Variants in USP18 observed in about 807,000 individuals in gnomAD.
The protein encoded by USP18 is ubiquitin specific peptidase 18.
Under a neutral mutation model 48.7 loss-of-function variants are expected in USP18, and 11 were observed. That is an observed-to-expected ratio of 0.23 (90% confidence interval 0.14 to 0.37). The LOEUF is 0.37. Ranked by LOEUF, USP18 falls within the 10% of genes least tolerant of loss-of-function variation. The probability of loss-of-function intolerance (pLI) is 1.00; values close to 1 mark genes in which losing one functional copy is unlikely to be tolerated. For missense variants in USP18, 285 were observed against 436.4 expected, an observed-to-expected ratio of 0.65 and a Z score of 3.09; for synonymous variants, 114 against 163.2, an observed-to-expected ratio of 0.70 and a Z score of 2.30.
chr22:18,156,349 G>A (rs563153369), intron 1 of USP18, among the ~76,000 whole-genome samples: 1 of 152,326 alleles, frequency 6.6e-6, no homozygotes, highest in African/African-American at 2.4e-5. Context: ...GCCCGAGCCA[G>A]CAGTGGCAAC....
At chr22:18,151,932 T>C (rs1354581034) in intron 1 of USP18, among the ~76,000 whole-genome samples, 1 of 152,110 alleles carries the variant, frequency 6.6e-6, no homozygotes, top group Non-Finnish European at 1.5e-5. Context: ...CAGGCGCCTG[T>C]AGTCCCAACT....
chr22:18,162,660 C>T (rs547560683), intron 4 of USP18, among the ~76,000 whole-genome samples: 46 of 150,018 alleles, frequency 3.1e-4, no homozygotes, highest in African/African-American at 1.1e-3. Context: ...TATAGGTATG[C>T]GTTGCTTACC....
intron 8 of USP18, among the ~76,000 whole-genome samples, chr22:18,171,392 G>C (rs1929620839): frequency 1.4e-5 from 2 of 142,772 alleles, no homozygotes; most frequent in Non-Finnish European, 3.0e-5. Context: ...CACCTCAAAA[G>C]GCTGAGGCAG....
chr22:18,152,420 A>C (rs961005660), intron 1 of USP18, among the ~76,000 whole-genome samples: 7 of 151,638 alleles, frequency 4.6e-5, no homozygotes, highest in Admixed American at 4.6e-4. Context: ...CCCGAAGCTT[A>C]AGGATAACAT....
At chr22:18,168,147 G>T in intron 6 of USP18, 111 bp downstream of exon 6, 1 of 1,503,438 alleles carries the variant, frequency 6.7e-7, no homozygotes, top group Non-Finnish European at 9.0e-7. Context: ...TCTGGAGGCT[G>T]GGAAGTCAAG....
intron 4 of USP18, among the ~76,000 whole-genome samples, chr22:18,166,003 C>T (rs1355225800): frequency 6.6e-6 from 1 of 152,182 alleles, no homozygotes; most frequent in Non-Finnish European, 1.5e-5. Flanking sequence ...AGGCTGGCTT[C>T]AGAATAAATT....
chr22:18,153,829 T>C (rs971214840), intron 1 of USP18, among the ~76,000 whole-genome samples: 1 of 152,120 alleles, frequency 6.6e-6, no homozygotes, highest in African/African-American at 2.4e-5. Context: ...TTTCTGTGCC[T>C]AGGTTATTCC....
chr22:18,151,785 G>A (rs1464503410), intron 1 of USP18, among the ~76,000 whole-genome samples: 2 of 152,134 alleles, frequency 1.3e-5, no homozygotes, highest in Admixed American at 6.5e-5. Context: ...GGCCGGGCGC[G>A]GTGGCTCACG....
intron 2 of USP18, 29 bp from the exon 3 acceptor site, chr22:18,160,143 C>G: frequency 6.2e-7 from 1 of 1,608,352 alleles, no homozygotes; most frequent in Non-Finnish European, 8.5e-7. Context: ...AGGCCTTGCC[C>G]TCAGCATTTT....
chr22:18,165,830 G>A lies in USP18; in HGVS notation c.401-1425G>A, dbSNP rs561287098. On this transcript the variant is annotated intron_variant, in intron 4 of 10. Coordinates refer to ENST00000215794, the MANE Select transcript of USP18 (RefSeq NM_017414.4). ...TGCCCACTCGGCCACTTTTCTGCCC[G>A]GAAAGGCGCCAACTCAGCTGCTGGG... Among the ~76,000 whole-genome samples, 947 of 149,872 alleles carry A rather than the reference G, an allele frequency of 6.3e-3. 12 individuals carry two copies. Among genetic ancestry groups the A allele is most frequent in the African/African-American group, 0.022 (890 of 40,728 alleles).
At chr22:18,172,640 T>C (rs554919071) in intron 8 of USP18, among the ~76,000 whole-genome samples, 42 of 151,504 alleles carry the variant, frequency 2.8e-4, no homozygotes, top group African/African-American at 9.2e-4. Context: ...AAACTAATAT[T>C]TAGATACAGA....
intron 1 of USP18, among the ~76,000 whole-genome samples, chr22:18,154,450 C>CTTAT (rs1002223017): frequency 9.9e-5 from 15 of 151,954 alleles, no homozygotes; most frequent in South Asian, 2.1e-4. Flanking sequence ...TTTATTTCAT[C>CTTAT]TTATTTATTT....
At chr22:18,157,965 G>A in intron 2 of USP18, 145 bp downstream of exon 2, 1 of 1,217,704 alleles carries the variant, frequency 8.2e-7, no homozygotes, top group Non-Finnish European at 1.1e-6. Flanking sequence ...TGGGGATACA[G>A]CCTGGGCCAT....
rs1163891041 is a variant in USP18 at position 18,168,021 on chromosome 22, G to A, written c.612G>A (p.Lys204=). ...TTTCTCTTTTTGATGTGGACTCAAA[G>A]CCCCTGAAGACACTGGTAAGGGGAT... ...LPLSLFDVDS[K]PLKTLEDALH... Residue 204 remains lysine, a synonymous_variant, in exon 6 of 11, where the codon AAG becomes AAA. Transcript: ENST00000215794. 1 of 1,614,176 alleles carries A rather than the reference G, an allele frequency of 6.2e-7. No individual in the cohort carries two copies. Among genetic ancestry groups the A allele is most frequent in the Non-Finnish European group, 8.5e-7 (1 of 1,180,026 alleles).
chr22:18,167,707 A>C (rs542420988), intron 5 of USP18, among the ~76,000 whole-genome samples, 183 bp from the exon 6 acceptor site: 1 of 151,770 alleles, frequency 6.6e-6, no homozygotes. Context: ...CAAAAAAAAA[A>C]AAAAAAAAAA....
At position 18,157,669 on chromosome 22, in the gene USP18, C is replaced by G. The variant is rs1929200049; in HGVS notation, c.6C>G (p.Ser2Arg). The G allele has an allele frequency of 6.2e-7, 1 of 1,613,940 alleles. No homozygotes were observed. Among genetic ancestry groups the G allele is most frequent in the Non-Finnish European group, 8.5e-7 (1 of 1,180,002 alleles). M[S>R]KAFGLLRQIC... ...GGGTTTTGGAGTGATCACGAATGAG[C>G]AAGGCGTTTGGGCTCCTGAGGCAAA... The change falls in exon 2 of 11, where the codon AGC becomes AGG. Residue 2 changes from serine (S) to arginine (R), a missense_variant. Physicochemically the swap from Ser to Arg is moderately radical, Grantham distance 110. Coordinates refer to ENST00000215794, the MANE Select transcript of USP18 (RefSeq NM_017414.4).
chr22:18,160,652 T>G (rs1419222509), intron 3 of USP18, among the ~76,000 whole-genome samples: 2 of 152,146 alleles, frequency 1.3e-5, no homozygotes, highest in African/African-American at 4.8e-5. Flanking sequence ...ACTTGGACTT[T>G]TTGAGATCTT....
At chr22:18,151,682 C>A (rs1407075293) in intron 1 of USP18, among the ~76,000 whole-genome samples, 1 of 151,814 alleles carries the variant, frequency 6.6e-6, no homozygotes, top group Non-Finnish European at 1.5e-5. Flanking sequence ...GAGAGTAGTC[C>A]CAAAATTTCC....
At chr22:18,152,010 G>A (rs1367302603) in intron 1 of USP18, among the ~76,000 whole-genome samples, 3 of 151,918 alleles carry the variant, frequency 2.0e-5, no homozygotes, top group Non-Finnish European at 4.4e-5. Context: ...GCCAAGATCC[G>A]GCCACTGCAC....
Sources: allele counts gnomAD v4.1 joint callset (sites outside exome capture counted in the v4.1 genomes callset), GRCh38; gene constraint gnomAD v4.1.1; transcripts MANE v1.5; gene names NCBI Gene and HGNC (gene_info 2026-07-23, HGNC 2026-07-21).